Variants in NOS1AP observed in about 807,000 individuals in gnomAD.
NOS1AP encodes the protein nitric oxide synthase 1 adaptor protein.
In NOS1AP, 21 loss-of-function variants were observed where a neutral mutation model predicts 56.2. The observed-to-expected ratio is 0.37, with a 90% CI of 0.26 to 0.54. The LOEUF (loss-of-function observed/expected upper bound fraction) is 0.54. Among genes scored for constraint, NOS1AP ranks in the 20% least tolerant of loss-of-function variants. The pLI is 0.84. For missense variants in NOS1AP, 522 were observed against 657.8 expected, an observed-to-expected ratio of 0.79 and a Z score of 2.26; for synonymous variants, 270 against 274.6, an observed-to-expected ratio of 0.98 and a Z score of 0.17.
intron 4 of NOS1AP, among the ~76,000 whole-genome samples, chr1:162,309,204 T>A (rs982745794): frequency 6.6e-6 from 1 of 152,192 alleles, no homozygotes; most frequent in Admixed American, 6.5e-5. Context: ...TAGTTAACAA[T>A]CAAGAGTTTA....
intron 2 of NOS1AP, among the ~76,000 whole-genome samples, chr1:162,249,425 A>G (rs1003555275): frequency 6.6e-6 from 1 of 152,166 alleles, no homozygotes; most frequent in Admixed American, 6.5e-5. Context: ...GAAAGAGGGC[A>G]CCATGGGGCA....
At chr1:162,191,006 G>A (rs1651613216) in intron 2 of NOS1AP, among the ~76,000 whole-genome samples, 1 of 152,088 alleles carries the variant, frequency 6.6e-6, no homozygotes, top group South Asian at 2.1e-4. Context: ...AGAAGCAATG[G>A]CTCCCTATCG....
chr1:162,257,581 A>G (rs867633441), intron 2 of NOS1AP, among the ~76,000 whole-genome samples: 44 of 151,852 alleles, frequency 2.9e-4, no homozygotes, highest in Non-Finnish European at 5.7e-4. Flanking sequence ...TCCAGGAGGC[A>G]GAGGTTGCAG....
At chr1:162,146,706 A>G (rs968063267) in intron 1 of NOS1AP, among the ~76,000 whole-genome samples, 2 of 152,198 alleles carry the variant, frequency 1.3e-5, no homozygotes, top group Non-Finnish European at 2.9e-5. Flanking sequence ...TACTATTATT[A>G]TCTTAAACAA....
chr1:162,261,555 TGACTG>T lies in NOS1AP; in HGVS notation c.178-25786_178-25782del, dbSNP rs1654241896. Among the ~76,000 whole-genome samples the T allele has an allele frequency of 2.1e-4, 8 of 37,426 alleles. 2 individuals are homozygous for T. The highest frequency in any genetic ancestry group is 5.3e-4 in the Non-Finnish European group (5 of 9,478). The allele number at this position is 37,426 out of a possible 152,430, so 24.6% of individuals were successfully genotyped here. On this transcript the variant is annotated intron_variant, in intron 2 of 9. Coordinates refer to ENST00000361897, the MANE Select transcript of NOS1AP (RefSeq NM_014697.3). ...GAGAGAGAGAGAGAGAGCAATGAAATGACTGGAACAGAGGAAAAGGTGTTAAGATG... is the reference window on the plus strand; with the variant it reads ...GAGAGAGAGAGAGAGAGCAATGAAATGAACAGAGGAAAAGGTGTTAAGATG...
At chr1:162,099,344 C>T (rs563346044) in intron 1 of NOS1AP, among the ~76,000 whole-genome samples, 12 of 152,150 alleles carry the variant, frequency 7.9e-5, no homozygotes, top group East Asian at 5.8e-4. Context: ...CCTGTCACTA[C>T]GCCAGTCTAA....
chr1:162,199,376 G>C (rs16858227), intron 2 of NOS1AP, among the ~76,000 whole-genome samples: 6 of 152,182 alleles, frequency 3.9e-5, no homozygotes, highest in Admixed American at 2.0e-4. Context: ...CCCTTGTAAG[G>C]CTCCATAGAT....
At chr1:162,352,420 A>ATTT (rs11362097) in intron 6 of NOS1AP, among the ~76,000 whole-genome samples, 19 of 139,898 alleles carry the variant, frequency 1.4e-4, no homozygotes, top group African/African-American at 5.0e-4. Context: ...TGCCCCTGGT[A>ATTT]TTTTTTTTTT....
rs140045779 is a variant in NOS1AP at position 162,306,606 on chromosome 1, C to G, written c.344+5900C>G. ...ATCAGGTTCTAGTAATAGGCTAACT[C>G]TCCCTCCCAGTTTTTTGCTAAGTGC... is the stretch of plus-strand genomic sequence containing the variant. On this transcript the variant is annotated intron_variant, in intron 4 of 9. Coordinates refer to ENST00000361897, the MANE Select transcript of NOS1AP (RefSeq NM_014697.3). Among the ~76,000 whole-genome samples, 202 of 152,278 alleles carry G rather than the reference C, an allele frequency of 1.3e-3. 3 individuals are homozygous for G. The East Asian group carries it at 0.037, about 28-fold the overall frequency.
rs1461658827 is a variant in NOS1AP, at chr1:162,354,956, G to A, written c.596-231G>A. Among the ~76,000 whole-genome samples the A allele has an allele frequency of 2.6e-5, 4 of 152,332 alleles. No homozygotes were observed. In the East Asian group the frequency reaches 5.8e-4, roughly 22 times the overall value. On this transcript the variant is annotated intron_variant, in intron 6 of 9. Coordinates refer to ENST00000361897, the MANE Select transcript of NOS1AP (RefSeq NM_014697.3). ...AACCTGGCAAAACTTTTACATCCAG[G>A]CTTGAGGAAGTATTGCCTTTTTTTC... is the stretch of plus-strand genomic sequence containing the variant.
intron 2 of NOS1AP, among the ~76,000 whole-genome samples, chr1:162,199,028 A>C (rs568821187): frequency 1.3e-5 from 2 of 152,334 alleles, no homozygotes; most frequent in Non-Finnish European, 1.5e-5. Flanking sequence ...GATTGATTAA[A>C]TATGGCAAAG....
chr1:162,094,812 G>C (rs1692201776), intron 1 of NOS1AP, among the ~76,000 whole-genome samples: 1 of 152,198 alleles, frequency 6.6e-6, no homozygotes, highest in Non-Finnish European at 1.5e-5. Context: ...TCCAGTTGTT[G>C]AAGAGTGGGT....
At chr1:162,252,247 A>G (rs73019420) in intron 2 of NOS1AP, among the ~76,000 whole-genome samples, 7,626 of 152,040 alleles carry the variant, frequency 0.05, 570 homozygotes, top group African/African-American at 0.17. Flanking sequence ...AGGTTTCACC[A>G]TATTTCCTAG....
Position 162,355,269 on chromosome 1 carries a change from A to G in NOS1AP, c.678A>G (p.Pro226=). The part of the protein sequence containing the change: ...TDIDAVEVPL[P]GNDVLEFSRG... ...TCGATGCGGTGGAGGTCCCACTTCC[A>G]GGGAATGATGTCCTGGAATTCAGCC... Residue 226 remains proline, a synonymous_variant, in exon 7 of 10, where the codon CCA becomes CCG. Transcript: ENST00000361897. 6.2e-7 allele frequency: 1 copy of G among 1,614,126 alleles called. No homozygotes were observed. Among genetic ancestry groups the G allele is most frequent in the Non-Finnish European group, 8.5e-7 (1 of 1,180,016 alleles).
chr1:162,304,524 G>T (rs1214004083), intron 4 of NOS1AP, among the ~76,000 whole-genome samples: 1 of 152,012 alleles, frequency 6.6e-6, no homozygotes, highest in Non-Finnish European at 1.5e-5. Flanking sequence ...CTTTTAGGAA[G>T]AAATATTAGA....
chr1:162,194,537 C>T (rs1651745082), intron 2 of NOS1AP, among the ~76,000 whole-genome samples: 1 of 152,194 alleles, frequency 6.6e-6, no homozygotes, highest in South Asian at 2.1e-4. Flanking sequence ...GCAAAAGTTT[C>T]CTGTAACCTT....
chr1:162,127,108 T>C (rs1215665494), intron 1 of NOS1AP, among the ~76,000 whole-genome samples: 1 of 151,906 alleles, frequency 6.6e-6, no homozygotes, highest in African/African-American at 2.4e-5. Flanking sequence ...TCTTTTGCCA[T>C]ATTTTTTTTT....
chr1:162,365,074 A>ATGGGCACG lies in NOS1AP; in HGVS notation c.940-328_940-327insGGCACGTG, dbSNP rs1553210340. 12 of 1,059,128 alleles carry ATGGGCACG rather than the reference A, an allele frequency of 1.1e-5. No homozygotes were observed. In the African/African-American group the frequency reaches 4.5e-4, roughly 40 times the overall value. 65.6% of individuals were successfully genotyped at this position (1,059,128 alleles called of 1,614,324 possible). A position where few individuals can be genotyped will look rare whatever the true frequency, so the allele number is the denominator to read the frequency against. On this transcript the variant is annotated intron_variant, in intron 8 of 9. Coordinates refer to ENST00000361897, the MANE Select transcript of NOS1AP (RefSeq NM_014697.3). ...GAGCACCGTGCGTGTGTGTGTGTAT[A>ATGGGCACG]TGTGCACGTGTGTGTGTACGTGTGT...
chr1:162,114,350 C>T (rs1647845641), intron 1 of NOS1AP, among the ~76,000 whole-genome samples: 1 of 152,166 alleles, frequency 6.6e-6, no homozygotes, highest in East Asian at 1.9e-4. Flanking sequence ...GCAGAACTCT[C>T]AGGCACAAAC....
Sources: allele counts gnomAD v4.1 joint callset (sites outside exome capture counted in the v4.1 genomes callset), GRCh38; gene constraint gnomAD v4.1.1; transcripts MANE v1.5; gene names NCBI Gene and HGNC (gene_info 2026-07-23, HGNC 2026-07-21).